ITGA11: variants seen among roughly 807,000 people sequenced by gnomAD.
The protein encoded by ITGA11 is integrin alpha-11.
In ITGA11, 97 loss-of-function variants were observed where a neutral mutation model predicts 141.9. The observed-to-expected ratio is 0.68, with a 90% confidence interval of 0.58 to 0.81. ITGA11 has a LOEUF of 0.81. ITGA11 is among the 30% of genes least tolerant of loss of function. The pLI, the probability that ITGA11 is intolerant of heterozygous loss-of-function variation, is 0.00. For missense variants in ITGA11, 1,387 were observed against 1,559.2 expected, an observed-to-expected ratio of 0.89 and a Z score of 1.86; for synonymous variants, 658 against 624.6, an observed-to-expected ratio of 1.05 and a Z score of -0.80.
chr15:68,359,240 T>G (rs964653982), intron 5 of ITGA11, among the ~76,000 whole-genome samples: 3 of 152,212 alleles, frequency 2.0e-5, no homozygotes, highest in African/African-American at 7.2e-5. Flanking sequence ...TTTATTTATT[T>G]ATTTTTTAAG....
At chr15:68,357,324 A>G in intron 6 of ITGA11, 25 bp from the exon 7 acceptor site, 2 of 1,603,584 alleles carry the variant, frequency 1.2e-6, no homozygotes, top group Non-Finnish European at 1.7e-6. Flanking sequence ...AGAGGGCAAC[A>G]GAACATTTTG....
intron 1 of ITGA11, among the ~76,000 whole-genome samples, 200 bp from the exon 2 acceptor site, chr15:68,403,229 G>A (rs1327592160): frequency 6.6e-6 from 1 of 152,148 alleles, no homozygotes; most frequent in Non-Finnish European, 1.5e-5. Flanking sequence ...CAGTCTGATG[G>A]GAGAGATTCC....
chr15:68,364,950 C>A (rs1301289569), intron 3 of ITGA11, among the ~76,000 whole-genome samples, 152 bp from the exon 4 acceptor site: 1 of 152,152 alleles, frequency 6.6e-6, no homozygotes, highest in African/African-American at 2.4e-5. Flanking sequence ...CTTCCCCAGA[C>A]GTACTCTCAG....
intron 4 of ITGA11, 89 bp downstream of exon 4, chr15:68,364,618 G>A: frequency 4.0e-6 from 4 of 999,388 alleles, no homozygotes; most frequent in Non-Finnish European, 6.2e-6. Context: ...TGTACAGGAT[G>A]GACATGAGGG....
At chr15:68,359,808 G>A (rs1895186209) in intron 5 of ITGA11, among the ~76,000 whole-genome samples, 1 of 152,134 alleles carries the variant, frequency 6.6e-6, no homozygotes, top group Admixed American at 6.6e-5. Flanking sequence ...AACAGTTGGA[G>A]TTACTTTGAA....
intron 3 of ITGA11, among the ~76,000 whole-genome samples, chr15:68,365,759 A>G (rs1205999952): frequency 6.7e-6 from 1 of 149,800 alleles, no homozygotes; most frequent in East Asian, 2.0e-4. Context: ...TTTTTGAGGC[A>G]GGGTCTCACT....
rs535032251 is a variant in ITGA11 at position 68,384,245 on chromosome 15, T to C, written c.165-14961A>G. 2.1e-5 allele frequency among the ~76,000 whole-genome samples: 3 copies of C among 141,828 alleles called. No individual in the cohort carries two copies. In the East Asian group the frequency reaches 6.3e-4, roughly 30 times the overall value. 93.0% of individuals were successfully genotyped at this position (141,828 alleles called of 152,430 possible). On this transcript the variant is annotated intron_variant, in intron 2 of 29. Coordinates refer to ENST00000315757, the MANE Select transcript of ITGA11 (RefSeq NM_001004439.2). ...TGACATCTCTTCAATTTCTGGGACTTTCTTGTGTGGTTTGGCATTAAAAAA... is the reference window on the plus strand; with the variant it reads ...TGACATCTCTTCAATTTCTGGGACTCTCTTGTGTGGTTTGGCATTAAAAAA...
Position 68,307,815 on chromosome 15 carries a change from A to T in ITGA11, c.3175-119T>A, listed in dbSNP as rs1206833468. The T allele has an allele frequency of 9.1e-6, 6 of 660,018 alleles. No individual in the cohort carries two copies. The highest frequency in any genetic ancestry group is 1.6e-5 in the Non-Finnish European group (6 of 381,208). The allele number at this position is 660,018 out of a possible 1,614,324, so 40.9% of individuals were successfully genotyped here. A position where few individuals can be genotyped will look rare whatever the true frequency, so the allele number is the denominator to read the frequency against. ...GGCAGGGGCAGAGGACAGGGGACAA[A>T]GAGAAAGTTGGGAGTGGGGGACATG... On this transcript the variant is annotated intron_variant, in intron 26 of 29. Transcript: ENST00000315757. The surrounding 1 kb of genome is among the most constrained non-coding windows in gnomAD (Gnocchi z 6.1).
chr15:68,296,650 G>C lies in ITGA11; in HGVS notation c.*6409C>G, dbSNP rs191191530. 2.2e-4 allele frequency: 33 copies of C among 152,164 alleles called. No homozygotes were observed. The highest frequency in any genetic ancestry group is 2.9e-5 in the Non-Finnish European group (2 of 68,002). 9.4% of individuals were successfully genotyped at this position (152,164 alleles called of 1,614,324 possible). A position where few individuals can be genotyped will look rare whatever the true frequency, so the allele number is the denominator to read the frequency against. On this transcript the variant is annotated 3_prime_UTR_variant, in exon 30 of 30. Transcript: ENST00000315757. ...TTTTCTACTTGTTAGAAGTTCCTTA[G>C]AAGTTTGAGGACATTTTCTCTGTCA...
chr15:68,351,343 GT>G lies in ITGA11; in HGVS notation c.808del (p.Thr270GlnfsTer14). On this transcript the variant is annotated frameshift_variant, in exon 8 of 30. Coordinates refer to ENST00000315757, the MANE Select transcript of ITGA11 (RefSeq NM_001004439.2). LOFTEE classifies it high-confidence loss of function. ...TGGGCTGTCGTGGGACTCCCCATCT[GT>G]GATGACAATCATCACCTTCTTGGCT... is the stretch of plus-strand genomic sequence containing the variant. ...KGAKKVMIVI[T>X]DGESHDSPDL... The G allele has an allele frequency of 6.2e-7, 1 of 1,614,002 alleles. No individual in the cohort carries two copies. The highest frequency in any genetic ancestry group is 8.5e-7 in the Non-Finnish European group (1 of 1,179,872).
At position 68,307,646 on chromosome 15, in the gene ITGA11, G is replaced by C. The variant is rs1316212392; in HGVS notation, c.3225C>G (p.Val1075=). 6.2e-7 allele frequency: 1 copy of C among 1,613,796 alleles called. No homozygotes were observed. The highest frequency in any genetic ancestry group is 8.5e-7 in the Non-Finnish European group (1 of 1,179,830). The change falls in exon 27 of 30, where the codon GTC becomes GTG. Residue 1075 remains valine (V), a synonymous_variant. Transcript: ENST00000315757. The surrounding 1 kb of genome is among the most constrained non-coding windows in gnomAD (Gnocchi z 6.1). ...VVSINCNIRL[V]PNQEINFHLL... ...GATGGAAATTGATTTCCTGGTTGGG[G>C]ACCAGCCGTATATTGCAGTTGATGG... is the stretch of plus-strand genomic sequence containing the variant.
intron 1 of ITGA11, among the ~76,000 whole-genome samples, chr15:68,418,635 G>T (rs1254182434): frequency 7.7e-6 from 1 of 129,314 alleles, no homozygotes; most frequent in Non-Finnish European, 1.5e-5. Flanking sequence ...CATTGTAGTT[G>T]ATGTAAATCA....
At chr15:68,348,081 T>A (rs1894794158) in intron 10 of ITGA11, among the ~76,000 whole-genome samples, 1 of 152,224 alleles carries the variant, frequency 6.6e-6, no homozygotes, top group Non-Finnish European at 1.5e-5. Flanking sequence ...ATTAAGCATA[T>A]TCACAGACAT....
intron 1 of ITGA11, among the ~76,000 whole-genome samples, chr15:68,425,489 A>G (rs1162999028): frequency 6.6e-6 from 1 of 152,206 alleles, no homozygotes; most frequent in Non-Finnish European, 1.5e-5. Flanking sequence ...GGCTATGCAT[A>G]GTGCCAGGGA....
intron 7 of ITGA11, among the ~76,000 whole-genome samples, chr15:68,356,209 C>G (rs1895065126): frequency 6.6e-6 from 1 of 152,094 alleles, no homozygotes; most frequent in Admixed American, 6.5e-5. Context: ...AATTCTCCTG[C>G]CTCAGCCTCC....
chr15:68,397,003 ATATAT>A (rs373444901), intron 2 of ITGA11, among the ~76,000 whole-genome samples: 1 of 3,028 alleles, frequency 3.3e-4, no homozygotes, highest in Non-Finnish European at 4.5e-4. Context: ...ATAATATATA[ATATAT>A]ATTACTTATT....
rs563472743 is a variant in ITGA11, at chr15:68,423,887, A to C, written c.52+8128T>G. ...CCATCCTGAGTCAGGTGCTTCCTTC[A>C]CCTGAACCCTCACTTCAATTTCAGC... On this transcript the variant is annotated intron_variant, in intron 1 of 29. Coordinates refer to ENST00000315757, the MANE Select transcript of ITGA11 (RefSeq NM_001004439.2). 9.3e-4 allele frequency among the ~76,000 whole-genome samples: 141 copies of C among 151,632 alleles called. 1 individual carries two copies. Among genetic ancestry groups the C allele is most frequent in the Non-Finnish European group, 2.5e-4 (17 of 67,862 alleles).
intron 10 of ITGA11, among the ~76,000 whole-genome samples, chr15:68,343,385 C>T (rs1044744158): frequency 2.0e-5 from 3 of 152,138 alleles, no homozygotes; most frequent in Non-Finnish European, 2.9e-5. Context: ...AGTCTCAAAA[C>T]GAACACTTCC....
At chr15:68,418,236 G>A (rs1307502809) in intron 1 of ITGA11, among the ~76,000 whole-genome samples, 1 of 152,174 alleles carries the variant, frequency 6.6e-6, no homozygotes, top group East Asian at 1.9e-4. Context: ...CTCACAATAG[G>A]TGATCTATAT....
Sources: gnomAD v4.1 joint callset for allele counts (sites outside exome capture counted in the v4.1 genomes callset) on GRCh38, gnomAD v4.1.1 for gene constraint, Gnocchi (gnomAD v3.1) non-coding constraint, MANE v1.5 for transcripts, NCBI Gene and HGNC (gene_info 2026-07-23, HGNC 2026-07-21) for gene names.